MCF2: variants seen among roughly 807,000 people sequenced by gnomAD.
MCF2 encodes the protein proto-oncogene DBL.
Under a neutral mutation model 82.5 loss-of-function variants are expected in MCF2, and 44 were observed. The ratio of observed to expected loss-of-function variants is 0.53; its 90% CI spans 0.42 to 0.69. The LOEUF (loss-of-function observed/expected upper bound fraction) is 0.69, where lower values mean the gene tolerates loss of function less well. Ranked by LOEUF, MCF2 falls within the 30% of genes least tolerant of loss-of-function variation. The pLI is 0.00. For missense variants in MCF2, 623 were observed against 663.1 expected (o/e 0.94, Z 0.66); for synonymous variants, 217 against 224.9 (o/e 0.96, Z 0.32).
intron 1 of MCF2, among the ~76,000 whole-genome samples, chrX:139,697,725 T>C (rs1603310980): frequency 8.9e-6 from 1 of 112,414 alleles, no homozygotes; most frequent in Non-Finnish European, 1.9e-5. Context: ...TCTTATATGT[T>C]GCCATTTATA....
intron 20 of MCF2, among the ~76,000 whole-genome samples, chrX:139,589,134 G>A (rs1929264546): frequency 9.0e-6 from 1 of 111,489 alleles, no homozygotes; most frequent in African/African-American, 3.3e-5. Flanking sequence ...CTTGGTGACT[G>A]ATGGTAACAT....
At chrX:139,617,619 T>C (rs1932016782) in exon 8 of MCF2, 2 of 1,204,330 alleles carry the variant, frequency 1.7e-6, no homozygotes, top group South Asian at 3.6e-5. Context: ...ATTGCACCTC[T>C]GGCAGATTAA....
intron 11 of MCF2, among the ~76,000 whole-genome samples, chrX:139,608,043 T>G (rs1354576018): frequency 8.9e-6 from 1 of 112,131 alleles, no homozygotes; most frequent in Admixed American, 9.5e-5. Flanking sequence ...AAAATAAGGT[T>G]GATTCATAAA....
chrX:139,620,763 T>G (rs753779008), intron 6 of MCF2, among the ~76,000 whole-genome samples: 1 of 111,664 alleles, frequency 9.0e-6, no homozygotes, highest in South Asian at 3.7e-4. Context: ...ATTTGAAGAA[T>G]CACTATCATT....
At chrX:139,657,404 G>A (rs1022694633) in intron 1 of MCF2, among the ~76,000 whole-genome samples, 2 of 112,236 alleles carry the variant, frequency 1.8e-5, no homozygotes, top group African/African-American at 6.5e-5. Flanking sequence ...GAAGGTATAC[G>A]CATCCAATCA....
intron 1 of MCF2, among the ~76,000 whole-genome samples, chrX:139,681,474 C>T (rs1319056449): frequency 8.9e-6 from 1 of 111,987 alleles, no homozygotes; most frequent in African/African-American, 3.2e-5. Context: ...GATACAGTAG[C>T]CTCTTTGTGC....
chrX:139,628,369 A>C (rs1350852538), intron 4 of MCF2, among the ~76,000 whole-genome samples: 2 of 112,098 alleles, frequency 1.8e-5, no homozygotes, highest in African/African-American at 6.5e-5. Context: ...AAATTAATGC[A>C]AGAACAGGAA....
chrX:139,689,581 C>T (rs767721607), intron 1 of MCF2, among the ~76,000 whole-genome samples: 2 of 109,408 alleles, frequency 1.8e-5, no homozygotes, highest in Admixed American at 2.0e-4. Context: ...TTTTACACTC[C>T]AGTCATTTAA....
intron 19 of MCF2, among the ~76,000 whole-genome samples, chrX:139,592,053 G>A (rs1929568193): frequency 9.0e-6 from 1 of 110,884 alleles, no homozygotes; most frequent in South Asian, 3.9e-4. Context: ...ATGATAAGCA[G>A]GCAAGCAGAA....
intron 20 of MCF2, among the ~76,000 whole-genome samples, chrX:139,589,428 C>G (rs1343535597): frequency 9.0e-6 from 1 of 111,730 alleles, no homozygotes; most frequent in African/African-American, 3.3e-5. Context: ...GGGCTTTAAC[C>G]ATGTTCTTTA....
chrX:139,636,676 G>A (rs1462356978), intron 1 of MCF2, among the ~76,000 whole-genome samples: 1 of 111,670 alleles, frequency 9.0e-6, no homozygotes, highest in East Asian at 2.8e-4. Context: ...CAGCAGCCAG[G>A]TCCAGAGACA....
chrX:139,645,045 G>T (rs1933754978), upstream of MCF2, among the ~76,000 whole-genome samples: 2 of 110,610 alleles, frequency 1.8e-5, no homozygotes, highest in Non-Finnish European at 1.9e-5. Context: ...TGGGTCTTGG[G>T]AACCTGGGGA....
chrX:139,682,938 C>CT (rs967333236), intron 1 of MCF2, among the ~76,000 whole-genome samples: 8 of 109,759 alleles, frequency 7.3e-5, no homozygotes, highest in South Asian at 7.8e-4. Context: ...AAACTTTCTC[C>CT]TTTTTTTTTG....
chrX:139,653,528 C>T (rs1460187488), intron 1 of MCF2, among the ~76,000 whole-genome samples: 2 of 110,766 alleles, frequency 1.8e-5, no homozygotes, highest in Non-Finnish European at 3.8e-5. Context: ...ACTTACTCTA[C>T]AATTTAAGCA....
exon 16 of MCF2, chrX:139,602,419 C>T: frequency 8.4e-7 from 1 of 1,195,974 alleles, no homozygotes; most frequent in Non-Finnish European, 1.1e-6. Flanking sequence ...GAAAAATGCG[C>T]ATTCTGAATA....
intron 6 of MCF2, among the ~76,000 whole-genome samples, chrX:139,625,212 T>C (rs1932691375): frequency 9.0e-6 from 1 of 111,183 alleles, no homozygotes; most frequent in Non-Finnish European, 1.9e-5. Flanking sequence ...AAACAGAACA[T>C]AACCACAGGA....
intron 1 of MCF2, among the ~76,000 whole-genome samples, chrX:139,652,896 A>G (rs1934076840): frequency 9.0e-6 from 1 of 110,887 alleles, no homozygotes; most frequent in African/African-American, 3.3e-5. Context: ...AAAGTTCTCA[A>G]TGGTTCCACA....
chrX:139,615,127 C>A (rs1427885180), intron 9 of MCF2, 75 bp from the exon 13 acceptor site: 16 of 726,793 alleles, frequency 2.2e-5, no homozygotes, highest in Non-Finnish European at 3.3e-5. Flanking sequence ...ATTTCTCAGA[C>A]TCAGATGGTC....
At chrX:139,667,488 T>C (rs948112095) in intron 1 of MCF2, among the ~76,000 whole-genome samples, 1 of 111,371 alleles carries the variant, frequency 9.0e-6, no homozygotes, top group Non-Finnish European at 1.9e-5. Context: ...TGCAGGTAGG[T>C]GTCAGCTGAG....
Sources: allele counts gnomAD v4.1 joint callset (sites outside exome capture counted in the v4.1 genomes callset), GRCh38; gene constraint gnomAD v4.1.1; transcripts MANE v1.5; gene names NCBI Gene and HGNC (gene_info 2026-07-23, HGNC 2026-07-21).